INSM2: variants seen among roughly 807,000 people sequenced by gnomAD.
The protein encoded by INSM2 is insulinoma-associated protein 2.
A neutral mutation model predicts 30.5 loss-of-function variants in INSM2; 12 were observed. The observed-to-expected ratio is 0.39, with a 90% CI of 0.25 to 0.64. The LOEUF (loss-of-function observed/expected upper bound fraction) is 0.64, where lower values mean the gene tolerates loss of function less well. Ranked by LOEUF, INSM2 falls within the 30% of genes least tolerant of loss-of-function variation. INSM2 has a pLI of 0.47. For synonymous variants in INSM2, 418 were observed against 383.7 expected (o/e 1.09, Z -1.05); for missense variants, 773 against 819.2 (o/e 0.94, Z 0.69).
Position 35,535,444 on chromosome 14 carries a change from C to T in INSM2, c.1192C>T (p.Pro398Ser). The part of the protein sequence containing the change: ...QVLTHPEPPL[P>S]QGPYTEGVLG... The stretch of plus-strand genomic sequence containing the variant: ...GCTGACGCATCCAGAGCCACCGCTG[C>T]CTCAGGGCCCCTACACGGAGGGGGT... The change falls in exon 1 of 1, where the codon CCT (proline) becomes TCT (serine). Residue 398 changes from proline (P) to serine (S), a missense_variant. Transcript: ENST00000307169. The T allele has an allele frequency of 6.2e-7, 1 of 1,612,664 alleles. No homozygotes were observed. Among genetic ancestry groups the T allele is most frequent in the African/African-American group, 1.3e-5 (1 of 75,064 alleles).
chr14:35,535,787 G>A lies in INSM2; in HGVS notation c.1535G>A (p.Gly512Asp). The change falls in exon 1 of 1, where the codon GGC becomes GAC. Residue 512 changes from glycine to aspartate, a missense_variant. Gly to Asp is a moderately conservative substitution (Grantham distance 94). Transcript: ENST00000307169. The stretch of plus-strand genomic sequence containing the variant: ...GCGGGGGCTCCTCCCGAAACGTCGG[G>A]CCCTAGCGGGCCATCTGACGGGAGT... The part of the protein sequence containing the change: ...ALAGAPPETS[G>D]PSGPSDGSAQ... The A allele has an allele frequency of 6.2e-7, 1 of 1,613,364 alleles. No individual in the cohort carries two copies. Among genetic ancestry groups the A allele is most frequent in the Non-Finnish European group, 8.5e-7 (1 of 1,179,900 alleles).
In INSM2 at chr14:35,535,705, A is replaced by G. The variant is rs1315678586; in HGVS notation, c.1453A>G (p.Arg485Gly). ...CGAHFPTADI[R>G]EKHRLWHAVR... is the part of the protein sequence containing the mutation. ...AGCGCACTTCCCTACAGCAGATATC[A>G]GGGAGAAGCACCGGCTGTGGCATGC... Residue 485 changes from arginine to glycine, a missense_variant, in exon 1 of 1, where the codon AGG becomes GGG. Arg to Gly is a moderately radical substitution (Grantham distance 125, BLOSUM62 -2). Transcript: ENST00000307169. 10 of 1,613,194 alleles carry G rather than the reference A, an allele frequency of 6.2e-6. No individual in the cohort carries two copies. The African/African-American group carries it at 1.2e-4, about 19-fold the overall frequency.
Position 35,535,105 on chromosome 14 carries a change from C to T in INSM2, c.853C>T (p.Arg285Cys), listed in dbSNP as rs1220275460. The change falls in exon 1 of 1, where the codon CGC (arginine) becomes TGC (cysteine). Residue 285 changes from arginine to cysteine, a missense_variant. Arg to Cys is a radical substitution (Grantham distance 180). Transcript: ENST00000307169. ...CGCGCTGGCCCAGCACCGCTGCTCC[C>T]GCATCGTGCGCGTAGAGTACCGCTG... ...PFALAQHRCS[R>C]IVRVEYRCPE... 2 of 1,604,528 alleles carry T rather than the reference C, an allele frequency of 1.2e-6. No individual in the cohort carries two copies. The highest frequency in any genetic ancestry group is 1.7e-6 in the Non-Finnish European group (2 of 1,175,014).
At position 35,534,503 on chromosome 14, in the gene INSM2, C is replaced by A. The variant is rs951661328; in HGVS notation, c.251C>A (p.Pro84Gln). The change falls in exon 1 of 1, where the codon CCG (proline) becomes CAG (glutamine). Residue 84 changes from proline to glutamine, a missense_variant. By Grantham distance (76) the Pro-to-Gln change is moderately conservative. Transcript: ENST00000307169. ...CCATGTCGGGCGGCTGGGGTGAGCC[C>A]GGGGACGGGCGGGCGGGAAGGCGCG... ...GSPCRAAGVS[P>Q]GTGGREGAEW... 7.1e-7 allele frequency: 1 copy of A among 1,412,374 alleles called. No homozygotes were observed. Among genetic ancestry groups the A allele is most frequent in the Non-Finnish European group, 9.2e-7 (1 of 1,089,212 alleles). 87.5% of individuals were successfully genotyped at this position (1,412,374 alleles called of 1,614,324 possible).
In INSM2 at chr14:35,534,307, G is replaced by A; in HGVS notation, c.55G>A (p.Val19Ile). The A allele has an allele frequency of 6.3e-7, 1 of 1,595,006 alleles. No homozygotes were observed. Among genetic ancestry groups the A allele is most frequent in the African/African-American group, 1.4e-5 (1 of 72,016 alleles). Residue 19 changes from valine to isoleucine, a missense_variant, in exon 1 of 1, where the codon GTT becomes ATT. Physicochemically the swap from Val to Ile is conservative, Grantham distance 29. Transcript: ENST00000307169. ...TAAACGGACAGGCGGCTTGTACCGA[G>A]TTCGCCTTGCGGAGCGTGTCTTCCC... ...RTKRTGGLYR[V>I]RLAERVFPLL... is the part of the protein sequence containing the mutation.
In INSM2 at chr14:35,535,842, C is replaced by T. The variant is rs774497773; in HGVS notation, c.1590C>T (p.Cys530=). The stretch of plus-strand genomic sequence containing the variant: ...AGCAAATTTTCTCGTGCAAGCACTG[C>T]CCGTCCACTTTTTTTAGCTCTCCAG... ...SAQQIFSCKH[C]PSTFFSSPGL... The change falls in exon 1 of 1, where the codon TGC becomes TGT. Residue 530 remains cysteine (C), a synonymous_variant. Coordinates refer to ENST00000307169, the MANE Select transcript of INSM2 (RefSeq NM_032594.4). The T allele has an allele frequency of 1.2e-6, 2 of 1,614,124 alleles. No homozygotes were observed. The highest frequency in any genetic ancestry group is 1.7e-6 in the Non-Finnish European group (2 of 1,180,048).
In INSM2 at chr14:35,534,886, G is replaced by T. The variant is rs770818736; in HGVS notation, c.634G>T (p.Ala212Ser). 4 of 1,588,126 alleles carry T rather than the reference G, an allele frequency of 2.5e-6. No individual in the cohort carries two copies. The South Asian group carries it at 4.5e-5, about 18-fold the overall frequency. The change falls in exon 1 of 1, where the codon GCG becomes TCG. Residue 212 changes from alanine to serine, a missense_variant. Transcript: ENST00000307169. ...ACCCACGGACTGCGCGTCTGGACCC[G>T]CGGCCGCGGGAATCAAGAAGCCAAA... ...KAPTDCASGPAAAGIKKPKAM... is the reference protein window; with the variant it reads ...KAPTDCASGPSAAGIKKPKAM...
chr14:35,534,786 G>A lies in INSM2; in HGVS notation c.534G>A (p.Gln178=). Residue 178 remains glutamine, a synonymous_variant, in exon 1 of 1, where the codon CAG becomes CAA. Transcript: ENST00000307169. The part of the protein sequence containing the change: ...LRAPFPEPAL[Q]PDPAPLSAAL... ...CGCCGTTCCCAGAGCCCGCGCTTCA[G>A]CCGGACCCTGCGCCCCTCTCGGCCG... is the stretch of plus-strand genomic sequence containing the variant. 2.1e-6 allele frequency: 3 copies of A among 1,441,438 alleles called. No individual in the cohort carries two copies. Among genetic ancestry groups the A allele is most frequent in the Middle Eastern group, 2.4e-4 (1 of 4,150 alleles). The allele number at this position is 1,441,438 out of a possible 1,614,324, so 89.3% of individuals were successfully genotyped here. A position where few individuals can be genotyped will look rare whatever the true frequency, so the allele number is the denominator to read the frequency against.
Position 35,535,642 on chromosome 14 carries a change from C to T in INSM2, c.1390C>T (p.Arg464Cys). ...GCTAGCGCCGGGCTTTGGCTCCGAA[C>T]GCGGTGCCCCACTTGCCTTCGCTTG... ...RALAPGFGSERGAPLAFACPL... is the reference protein window; with the variant it reads ...RALAPGFGSECGAPLAFACPL... The change falls in exon 1 of 1, where the codon CGC becomes TGC. Residue 464 changes from arginine to cysteine, a missense_variant. Physicochemically the swap from Arg to Cys is radical, Grantham distance 180. Transcript: ENST00000307169. 1 of 1,613,176 alleles carries T rather than the reference C, an allele frequency of 6.2e-7. No individual in the cohort carries two copies. The highest frequency in any genetic ancestry group is 2.2e-5 in the East Asian group (1 of 44,888).
Position 35,534,775 on chromosome 14 carries a change from C to T in INSM2, c.523C>T (p.Pro175Ser). 7.0e-7 allele frequency: 1 copy of T among 1,422,984 alleles called. No homozygotes were observed. Among genetic ancestry groups the T allele is most frequent in the Middle Eastern group, 2.5e-4 (1 of 4,074 alleles). The allele number at this position is 1,422,984 out of a possible 1,614,324, so 88.1% of individuals were successfully genotyped here. ...GCCGCTTCGGGCGCCGTTCCCAGAGCCCGCGCTTCAGCCGGACCCTGCGCC... is the reference window on the plus strand; with the variant it reads ...GCCGCTTCGGGCGCCGTTCCCAGAGTCCGCGCTTCAGCCGGACCCTGCGCC... ...LLPLRAPFPE[P>S]ALQPDPAPLS... The change falls in exon 1 of 1, where the codon CCC becomes TCC. Residue 175 changes from proline to serine, a missense_variant. Physicochemically the swap from Pro to Ser is moderately conservative, Grantham distance 74. Transcript: ENST00000307169.
chr14:35,534,794 C>G lies in INSM2; in HGVS notation c.542C>G (p.Pro181Arg). The change falls in exon 1 of 1, where the codon CCT becomes CGT. Residue 181 changes from proline to arginine, a missense_variant. Coordinates refer to ENST00000307169, the MANE Select transcript of INSM2 (RefSeq NM_032594.4). ...PFPEPALQPD[P>R]APLSAALQSL... ...CCAGAGCCCGCGCTTCAGCCGGACC[C>G]TGCGCCCCTCTCGGCCGCCCTTCAG... 6.9e-7 allele frequency: 1 copy of G among 1,456,304 alleles called. No homozygotes were observed. The highest frequency in any genetic ancestry group is 2.8e-5 in the East Asian group (1 of 35,460). 90.2% of individuals were successfully genotyped at this position (1,456,304 alleles called of 1,614,324 possible).
Position 35,536,225 on chromosome 14 carries a change from T to C in INSM2, c.*272T>C, listed in dbSNP as rs1380766697. 9.9e-6 allele frequency: 4 copies of C among 402,570 alleles called. No individual in the cohort carries two copies. The highest frequency in any genetic ancestry group is 4.3e-5 in the East Asian group (1 of 23,320). The allele number at this position is 402,570 out of a possible 1,614,324, so 24.9% of individuals were successfully genotyped here. A position where few individuals can be genotyped will look rare whatever the true frequency, so the allele number is the denominator to read the frequency against. ...ACTTTCCCCACTAAAATAGGATTTTTCCCCTTAAAACTCTGGAGACCCTAA... is the reference window on the plus strand; with the variant it reads ...ACTTTCCCCACTAAAATAGGATTTTCCCCCTTAAAACTCTGGAGACCCTAA... On this transcript the variant is annotated 3_prime_UTR_variant, in exon 1 of 1. Transcript: ENST00000307169.
rs773892552 is a variant in INSM2 at position 35,535,452 on chromosome 14, C to T, written c.1200C>T (p.Gly400=). The T allele has an allele frequency of 6.2e-7, 1 of 1,612,426 alleles. No homozygotes were observed. The highest frequency in any genetic ancestry group is 1.1e-5 in the South Asian group (1 of 91,024). ...LTHPEPPLPQ[G]PYTEGVLGRR... is the part of the protein sequence containing the mutation. ...ATCCAGAGCCACCGCTGCCTCAGGGCCCCTACACGGAGGGGGTGTTGGGGC... is the reference window on the plus strand; with the variant it reads ...ATCCAGAGCCACCGCTGCCTCAGGGTCCCTACACGGAGGGGGTGTTGGGGC... The change falls in exon 1 of 1, where the codon GGC becomes GGT. Residue 400 remains glycine, a synonymous_variant. Transcript: ENST00000307169.
rs772098404 is a variant in INSM2, at chr14:35,535,964, A to T, written c.*11A>T. 1 of 1,579,886 alleles carries T rather than the reference A, an allele frequency of 6.3e-7. No homozygotes were observed. Among genetic ancestry groups the T allele is most frequent in the South Asian group, 1.2e-5 (1 of 85,546 alleles). Reference sequence around the variant, plus strand: ...CGGCCTGGCTGCTGAGGGACGAGAGACCAGGATGATTTCGAGGTTGGCCTT... The same window carrying T: ...CGGCCTGGCTGCTGAGGGACGAGAGTCCAGGATGATTTCGAGGTTGGCCTT... On this transcript the variant is annotated 3_prime_UTR_variant, in exon 1 of 1. Transcript: ENST00000307169.
In INSM2 at chr14:35,534,582, C is replaced by T; in HGVS notation, c.330C>T (p.Pro110=). The T allele has an allele frequency of 1.4e-6, 2 of 1,435,762 alleles. No homozygotes were observed. Among genetic ancestry groups the T allele is most frequent in the Non-Finnish European group, 1.8e-6 (2 of 1,104,628 alleles). 88.9% of individuals were successfully genotyped at this position (1,435,762 alleles called of 1,614,324 possible). ...EGPGPSPSPS[P]SPAKPAGAEL... ...CCGGGCCCAGCCCCAGCCCCAGCCC[C>T]AGTCCAGCGAAGCCGGCAGGCGCAG... The change falls in exon 1 of 1, where the codon CCC becomes CCT. Residue 110 remains proline, a synonymous_variant. Transcript: ENST00000307169.
Position 35,535,697 on chromosome 14 carries a change from C to T in INSM2, c.1445C>T (p.Ala482Val). The change falls in exon 1 of 1, where the codon GCA becomes GTA. Residue 482 changes from alanine (A) to valine (V), a missense_variant. Coordinates refer to ENST00000307169, the MANE Select transcript of INSM2 (RefSeq NM_032594.4). ...TTGTGCGGAGCGCACTTCCCTACAG[C>T]AGATATCAGGGAGAAGCACCGGCTG... is the stretch of plus-strand genomic sequence containing the variant. ...CPLCGAHFPT[A>V]DIREKHRLWH... The T allele has an allele frequency of 6.2e-7, 1 of 1,613,314 alleles. No homozygotes were observed. Among genetic ancestry groups the T allele is most frequent in the Non-Finnish European group, 8.5e-7 (1 of 1,180,014 alleles).
chr14:35,535,268 C>G lies in INSM2; in HGVS notation c.1016C>G (p.Ser339Cys). 1 of 1,613,492 alleles carries G rather than the reference C, an allele frequency of 6.2e-7. No individual in the cohort carries two copies. The highest frequency in any genetic ancestry group is 8.5e-7 in the Non-Finnish European group (1 of 1,179,922). ...AAGCCGCCTTCTTCGTCGTCTTCGT[C>G]CTCCCGGGACTCCGGGGCCATTGCA... is the stretch of plus-strand genomic sequence containing the variant. ...DGKPPSSSSS[S>C]SRDSGAIASF... Residue 339 changes from serine to cysteine, a missense_variant, in exon 1 of 1, where the codon TCC becomes TGC. Coordinates refer to ENST00000307169, the MANE Select transcript of INSM2 (RefSeq NM_032594.4).
chr14:35,535,163 C>A lies in INSM2; in HGVS notation c.911C>A (p.Ala304Glu). ...PECDKVFSCP[A>E]NLASHRRWHK... ...TGCGACAAGGTGTTCAGCTGTCCTG[C>A]GAACCTGGCCTCCCATCGCCGCTGG... is the stretch of plus-strand genomic sequence containing the variant. Residue 304 changes from alanine (A) to glutamate (E), a missense_variant, in exon 1 of 1, where the codon GCG (alanine) becomes GAG (glutamate). Coordinates refer to ENST00000307169, the MANE Select transcript of INSM2 (RefSeq NM_032594.4). The A allele has an allele frequency of 6.2e-7, 1 of 1,612,384 alleles. No homozygotes were observed. The highest frequency in any genetic ancestry group is 8.5e-7 in the Non-Finnish European group (1 of 1,179,604).
At position 35,535,759 on chromosome 14, in the gene INSM2, C is replaced by G; in HGVS notation, c.1507C>G (p.Leu503Val). ...CCGCGAGGAGCTGCTCCTGCCCGCTCTGGCGGGGGCTCCTCCCGAAACGTC... is the reference window on the plus strand; with the variant it reads ...CCGCGAGGAGCTGCTCCTGCCCGCTGTGGCGGGGGCTCCTCCCGAAACGTC... ...AVREELLLPALAGAPPETSGP... is the reference protein window; with the variant it reads ...AVREELLLPAVAGAPPETSGP... Residue 503 changes from leucine to valine, a missense_variant, in exon 1 of 1, where the codon CTG becomes GTG. Coordinates refer to ENST00000307169, the MANE Select transcript of INSM2 (RefSeq NM_032594.4). The G allele has an allele frequency of 6.2e-7, 1 of 1,613,272 alleles. No individual in the cohort carries two copies. Among genetic ancestry groups the G allele is most frequent in the South Asian group, 1.1e-5 (1 of 91,080 alleles).
Sources: allele counts gnomAD v4.1 joint callset, GRCh38; gene constraint gnomAD v4.1.1; transcripts MANE v1.5; gene names NCBI Gene and HGNC (gene_info 2026-07-23, HGNC 2026-07-21).